The following ZBBX variants were observed in gnomAD, a reference collection of about 807,000 sequenced individuals.
ZBBX encodes zinc finger B-box domain-containing protein 1.
In ZBBX, 101 loss-of-function variants were observed where a neutral mutation model predicts 108.5. The ratio of observed to expected loss-of-function variants is 0.93; its 90% CI spans 0.79 to 1.10. The LOEUF is 1.10. Among genes scored for constraint, ZBBX ranks in the 50% least tolerant of loss-of-function variants. ZBBX has a pLI of 0.00. For missense variants in ZBBX, 1,009 were observed against 941.4 expected (o/e 1.07, Z -0.94); for synonymous variants, 356 against 323.4 (o/e 1.10, Z -1.08).
At chr3:167,237,353 C>T (rs1430725293), downstream of ZBBX, among the ~76,000 whole-genome samples, 1 of 151,916 alleles carries the variant, frequency 6.6e-6, no homozygotes, top group Non-Finnish European at 1.5e-5. Context: ...TTTCATATGA[C>T]TATTACAGCA....
At chr3:167,358,324 G>A (rs1743929956) in intron 8 of ZBBX, among the ~76,000 whole-genome samples, 1 of 151,686 alleles carries the variant, frequency 6.6e-6, no homozygotes, top group Admixed American at 6.6e-5. Context: ...AGGTAGAGTA[G>A]TCAAATTCTC....
At chr3:167,252,062 G>A (rs149980321) in intron 20 of ZBBX, 1 of 1,037,108 alleles carries the variant, frequency 9.6e-7, no homozygotes, top group Non-Finnish European at 1.3e-6. Context: ...CCCTTCTCAG[G>A]TACTTCTAGA....
intron 17 of ZBBX, among the ~76,000 whole-genome samples, chr3:167,301,103 T>C (rs78697858): frequency 0.023 from 3,493 of 152,246 alleles, 151 homozygotes; most frequent in African/African-American, 0.081. Context: ...TAAGCCCCAG[T>C]GTATGCTGTT....
At chr3:167,384,761 G>A (rs1270470011), upstream of ZBBX, among the ~76,000 whole-genome samples, 1 of 151,980 alleles carries the variant, frequency 6.6e-6, no homozygotes, top group Non-Finnish European at 1.5e-5. Flanking sequence ...TTACTGCAGG[G>A]TCTCTGCAAA....
At chr3:167,351,823 C>G (rs1283276815) in intron 8 of ZBBX, among the ~76,000 whole-genome samples, 1 of 152,206 alleles carries the variant, frequency 6.6e-6, no homozygotes, top group African/African-American at 2.4e-5. Context: ...TGTTCTCATG[C>G]TCTGCCACTA....
the ZBBX span, among the ~76,000 whole-genome samples, chr3:167,199,269 T>C: frequency 1.3e-5 from 2 of 152,170 alleles, no homozygotes; most frequent in African/African-American, 4.8e-5. Flanking sequence ...CTCTCATCTT[T>C]TGTTGGTTGA....
intron 9 of ZBBX, among the ~76,000 whole-genome samples, chr3:167,347,309 C>T (rs575097626): frequency 2.0e-5 from 3 of 151,916 alleles, no homozygotes; most frequent in Non-Finnish European, 4.4e-5. Flanking sequence ...ATGATAACTA[C>T]CATTGAGCAT....
intron 1 of ZBBX, chr3:167,401,283 G>A (rs1748417532): frequency 6.6e-6 from 1 of 152,040 alleles, no homozygotes; most frequent in African/African-American, 2.4e-5. Context: ...AAGTTCACTA[G>A]GCACTTTCTG....
chr3:167,357,462 A>G (rs1484482263), intron 8 of ZBBX, among the ~76,000 whole-genome samples: 1 of 152,170 alleles, frequency 6.6e-6, no homozygotes, highest in African/African-American at 2.4e-5. Flanking sequence ...CTGAATGGAG[A>G]GAATTCAAGA....
intron 10 of ZBBX, among the ~76,000 whole-genome samples, chr3:167,329,928 A>G (rs1309637299): frequency 6.6e-6 from 1 of 152,226 alleles, no homozygotes; most frequent in African/African-American, 2.4e-5. Flanking sequence ...ATTTGCCCAC[A>G]TTGATCAACA....
chr3:167,326,759 T>C (rs1471707676), intron 11 of ZBBX, among the ~76,000 whole-genome samples: 1 of 152,000 alleles, frequency 6.6e-6, no homozygotes, highest in Non-Finnish European at 1.5e-5. Context: ...ATGAAATTGA[T>C]GTGTGATAAA....
chr3:167,278,708 C>T (rs1299750340), intron 20 of ZBBX, among the ~76,000 whole-genome samples: 2 of 151,426 alleles, frequency 1.3e-5, no homozygotes, highest in Non-Finnish European at 2.9e-5. Flanking sequence ...TGAAACTACT[C>T]CAATCAATAG....
At chr3:167,180,283 G>A in the ZBBX span, among the ~76,000 whole-genome samples, 1 of 152,192 alleles carries the variant, frequency 6.6e-6, no homozygotes. Context: ...TCTAAGGATA[G>A]AAAACAGACT....
chr3:167,345,357 T>A (rs1470261458), intron 9 of ZBBX, among the ~76,000 whole-genome samples: 1 of 151,932 alleles, frequency 6.6e-6, no homozygotes, highest in Non-Finnish European at 1.5e-5. Flanking sequence ...TTGAAGGGAA[T>A]GAACATGCAC....
intron 1 of ZBBX, among the ~76,000 whole-genome samples, chr3:167,401,634 T>C (rs1300056798): frequency 6.6e-6 from 1 of 152,186 alleles, no homozygotes; most frequent in African/African-American, 2.4e-5. Context: ...GGTGGGAGTG[T>C]AGCAGTGAGG....
the ZBBX span, among the ~76,000 whole-genome samples, chr3:167,227,112 T>C: frequency 6.6e-6 from 1 of 151,806 alleles, no homozygotes; most frequent in African/African-American, 2.4e-5. Flanking sequence ...CTACAATCTA[T>C]AAATACTTAT....
At chr3:167,330,532 G>A (rs1158696242) in intron 10 of ZBBX, among the ~76,000 whole-genome samples, 3 of 151,918 alleles carry the variant, frequency 2.0e-5, no homozygotes, top group African/African-American at 7.3e-5. Context: ...CCTATAAGGA[G>A]GTAATTGAGG....
exon 1 of ZBBX, among the ~76,000 whole-genome samples, chr3:167,407,813 C>A (rs994896829): frequency 6.6e-6 from 1 of 152,082 alleles, no homozygotes; most frequent in East Asian, 1.9e-4. Context: ...CTCACGCAGT[C>A]GACTCTGTGT....
intron 11 of ZBBX, among the ~76,000 whole-genome samples, chr3:167,323,548 T>G (rs970802076): frequency 5.3e-5 from 8 of 152,118 alleles, no homozygotes; most frequent in Admixed American, 6.6e-5. Flanking sequence ...TTGTTTAGAA[T>G]TGCTTGTCGT....
Sources: gnomAD v4.1 joint callset for allele counts (sites outside exome capture counted in the v4.1 genomes callset) on GRCh38, gnomAD v4.1.1 for gene constraint, MANE v1.5 for transcripts, NCBI Gene and HGNC (gene_info 2026-07-23, HGNC 2026-07-21) for gene names.